The following SYT1 variants were observed in gnomAD, a reference collection of about 807,000 sequenced individuals.
SYT1 encodes the protein synaptotagmin-1.
SYT1 carries 8 observed loss-of-function variants against 44.8 expected under a neutral mutation model. The ratio of observed to expected loss-of-function variants is 0.18; its 90% CI spans 0.10 to 0.32. The LOEUF is 0.32. Among genes scored for constraint, SYT1 ranks in the 10% least tolerant of loss-of-function variants. The pLI, the probability that SYT1 is intolerant of heterozygous loss-of-function variation, is 1.00. For missense variants in SYT1, 286 were observed against 509.3 expected, an observed-to-expected ratio of 0.56 and a Z score of 4.22; for synonymous variants, 154 against 188.8, an observed-to-expected ratio of 0.82 and a Z score of 1.51.
chr12:78,908,991 C>T (rs1876151673), intron 1 of SYT1, among the ~76,000 whole-genome samples: 1 of 151,826 alleles, frequency 6.6e-6, no homozygotes, highest in South Asian at 2.1e-4. Context: ...CTAATCCCTG[C>T]AGGACAAAGA....
intron 3 of SYT1, among the ~76,000 whole-genome samples, chr12:79,076,552 G>T (rs929420631): frequency 6.6e-6 from 1 of 152,042 alleles, no homozygotes; most frequent in Non-Finnish European, 1.5e-5. Context: ...ACCAAATCAG[G>T]TGAAATGCAA....
At chr12:79,139,936 G>T (rs186832312) in intron 3 of SYT1, among the ~76,000 whole-genome samples, 151 of 152,290 alleles carry the variant, frequency 9.9e-4, no homozygotes, top group African/African-American at 3.5e-3. Context: ...GTGGGCTATG[G>T]ACTGCTGGGA....
chr12:79,015,742 A>T (rs372419528), intron 2 of SYT1, among the ~76,000 whole-genome samples: 1 of 152,220 alleles, frequency 6.6e-6, no homozygotes, highest in African/African-American at 2.4e-5. Context: ...TGAAAGACAC[A>T]GTAATACTCT....
chr12:79,128,019 A>G (rs891994156), intron 3 of SYT1, among the ~76,000 whole-genome samples: 6 of 152,200 alleles, frequency 3.9e-5, no homozygotes, highest in African/African-American at 1.2e-4. Context: ...AGATGAGTGG[A>G]TAAGTAGGTG....
chr12:79,177,894 G>T (rs1056937992), intron 3 of SYT1, among the ~76,000 whole-genome samples: 1 of 68,310 alleles, frequency 1.5e-5, no homozygotes, highest in African/African-American at 8.5e-5. Flanking sequence ...TGATGGGGTT[G>T]TTTGTTTTTT....
chr12:78,987,463 T>C (rs1869720561), intron 2 of SYT1, among the ~76,000 whole-genome samples: 2 of 151,986 alleles, frequency 1.3e-5, no homozygotes, highest in Non-Finnish European at 2.9e-5. Context: ...ACACATAAAG[T>C]TTCAGGCTGA....
chr12:79,165,904 A>G (rs187725832), intron 3 of SYT1, among the ~76,000 whole-genome samples: 90 of 152,176 alleles, frequency 5.9e-4, no homozygotes, highest in African/African-American at 1.9e-3. Flanking sequence ...CTTGCTAAAG[A>G]TCACCCATGG....
intron 1 of SYT1, among the ~76,000 whole-genome samples, chr12:78,976,884 C>T (rs931332259): frequency 4.6e-5 from 7 of 151,974 alleles, no homozygotes; most frequent in African/African-American, 7.2e-5. Context: ...TGTCTACCTG[C>T]GTTTTTATAT....
intron 9 of SYT1, among the ~76,000 whole-genome samples, chr12:79,409,176 TC>T (rs144009457): frequency 6.6e-6 from 1 of 152,252 alleles, no homozygotes; most frequent in East Asian, 1.9e-4. Flanking sequence ...GTTTGAAACA[TC>T]TATTAATTTG....
At chr12:78,994,899 G>GT (rs1270576517) in intron 2 of SYT1, among the ~76,000 whole-genome samples, 1 of 151,434 alleles carries the variant, frequency 6.6e-6, no homozygotes, top group Non-Finnish European at 1.5e-5. Flanking sequence ...TCTGTTTTTT[G>GT]TTTTTTTTCA....
chr12:78,963,578 C>T (rs1879624670), intron 1 of SYT1, among the ~76,000 whole-genome samples: 1 of 152,038 alleles, frequency 6.6e-6, no homozygotes, highest in South Asian at 2.1e-4. Flanking sequence ...CTCAGCCTCA[C>T]AAATCATTAG....
intron 2 of SYT1, among the ~76,000 whole-genome samples, chr12:79,030,314 C>T (rs1421873478): frequency 2.0e-5 from 3 of 150,870 alleles, no homozygotes; most frequent in African/African-American, 7.3e-5. Flanking sequence ...TTTCAGTCTT[C>T]TTTCTCTCTC....
intron 4 of SYT1, among the ~76,000 whole-genome samples, chr12:79,235,962 C>G (rs972207188): frequency 6.6e-6 from 1 of 152,170 alleles, no homozygotes; most frequent in Non-Finnish European, 1.5e-5. Context: ...TTTCTTGACT[C>G]TGAAGCTCAA....
At chr12:78,889,028 T>A (rs1874900591) in intron 1 of SYT1, among the ~76,000 whole-genome samples, 1 of 151,926 alleles carries the variant, frequency 6.6e-6, no homozygotes, top group African/African-American at 2.4e-5. Context: ...TTTAGACTAC[T>A]ATCAATTTTT....
chr12:79,308,574 AAAAG>A (rs1880552953), intron 8 of SYT1, among the ~76,000 whole-genome samples: 1 of 144,224 alleles, frequency 6.9e-6, no homozygotes, highest in Non-Finnish European at 1.5e-5. Flanking sequence ...GAAAAGAAAG[AAAAG>A]AAGGAAAAGA....
At chr12:79,247,000 G>C (rs569265643) in intron 4 of SYT1, among the ~76,000 whole-genome samples, 6 of 152,170 alleles carry the variant, frequency 3.9e-5, no homozygotes, top group Non-Finnish European at 8.8e-5. Context: ...TAGAAGTAAA[G>C]ATGTACAGTT....
At chr12:78,993,091 C>G (rs1264234487) in intron 2 of SYT1, among the ~76,000 whole-genome samples, 1 of 152,140 alleles carries the variant, frequency 6.6e-6, no homozygotes, top group African/African-American at 2.4e-5. Flanking sequence ...CAACTCATCC[C>G]TTCTGATGGC....
chr12:79,412,252 C>A (rs1260992065), intron 9 of SYT1, among the ~76,000 whole-genome samples: 1 of 152,078 alleles, frequency 6.6e-6, no homozygotes, highest in African/African-American at 2.4e-5. Context: ...TTAGGAGGAG[C>A]CAGCCACATG....
At chr12:79,168,836 C>T (rs1001242992) in intron 3 of SYT1, among the ~76,000 whole-genome samples, 1 of 151,986 alleles carries the variant, frequency 6.6e-6, no homozygotes. Flanking sequence ...TCTAATTTAA[C>T]GAGGCCTCAG....
Sources: allele counts gnomAD v4.1 joint callset (sites outside exome capture counted in the v4.1 genomes callset), GRCh38; gene constraint gnomAD v4.1.1; transcripts MANE v1.5; gene names NCBI Gene and HGNC (gene_info 2026-07-23, HGNC 2026-07-21).